The following SCLY variants were observed in gnomAD, a reference collection of about 807,000 sequenced individuals.
The protein encoded by SCLY is putative selenocysteine lyase.
In SCLY, 38 loss-of-function variants were observed where a neutral mutation model predicts 50.1. That is an observed-to-expected ratio of 0.76 (90% CI 0.59 to 0.99). SCLY has a LOEUF of 0.99. SCLY is among the 50% of genes least tolerant of loss of function. SCLY has a pLI of 0.00. For synonymous variants in SCLY, 243 were observed against 249.4 expected (o/e 0.97, Z 0.24); for missense variants, 600 against 620.0 (o/e 0.97, Z 0.34).
At position 238,066,518 on chromosome 2, in the gene SCLY, C is replaced by A. The variant is rs1349256885; in HGVS notation, c.203-1547C>A. Among the ~76,000 whole-genome samples the A allele has an allele frequency of 2.0e-5, 3 of 152,146 alleles. No individual in the cohort carries two copies. The highest frequency in any genetic ancestry group is 7.2e-5 in the African/African-American group (3 of 41,412). The stretch of plus-strand genomic sequence containing the variant: ...TGGGTTTTCGAGGCATTACTTTGTC[C>A]ACTATGTGGAGAATGGACCCTGGTG... On this transcript the variant is annotated intron_variant, in intron 2 of 11. Transcript: ENST00000254663. This position sits in a 1 kb window ranked among gnomAD's most constrained non-coding sequence, Gnocchi z 4.1.
chr2:238,065,776 G>C (rs1277131675), intron 2 of SCLY, among the ~76,000 whole-genome samples: 2 of 151,802 alleles, frequency 1.3e-5, no homozygotes, highest in Non-Finnish European at 2.9e-5. Context: ...CCGGATTCAA[G>C]CGATTCTTCT....
At chr2:238,086,084 C>CG (rs2065294956) in intron 7 of SCLY, among the ~76,000 whole-genome samples, 1 of 152,160 alleles carries the variant, frequency 6.6e-6, no homozygotes, top group Admixed American at 6.5e-5. Flanking sequence ...ACCAGAAAGA[C>CG]CAGAAGAAAG....
Position 238,096,815 on chromosome 2 carries a change from G to T in SCLY, c.1123G>T (p.Ala375Ser), listed in dbSNP as rs767398389. The part of the protein sequence containing the change: ...GPRLQGHVVL[A>S]QCRVLMASVG... ...TGTCTCCGCAGGCCACGTGGTGCTT[G>T]CGCAGTGCCGAGTGCTGATGGCCAG... Residue 375 changes from alanine (A) to serine (S), a missense_variant, in exon 11 of 12, where the codon GCG becomes TCG. Transcript: ENST00000254663. 3 of 1,611,310 alleles carry T rather than the reference G, an allele frequency of 1.9e-6. No homozygotes were observed. In the South Asian group the frequency reaches 3.3e-5, roughly 18 times the overall value.
Position 238,098,261 on chromosome 2 carries a change from G to T in SCLY, c.1244G>T (p.Arg415Leu). The T allele has an allele frequency of 6.2e-7, 1 of 1,608,394 alleles. No individual in the cohort carries two copies. ...VPFDVARNAL[R>L]LSVGRSTTRA... ...TTCGACGTGGCCAGGAACGCGCTCC[G>T]GCTCAGCGTGGGCCGCAGCACCACC... is the stretch of plus-strand genomic sequence containing the variant. Residue 415 changes from arginine to leucine, a missense_variant, in exon 12 of 12, where the codon CGG becomes CTG. Physicochemically the swap from Arg to Leu is moderately radical, Grantham distance 102. Transcript: ENST00000254663.
rs200336071 is a variant in SCLY at position 238,068,111 on chromosome 2, G to A, written c.249G>A (p.Ala83=). 1.8e-5 allele frequency: 29 copies of A among 1,612,276 alleles called. No individual in the cohort carries two copies. In the East Asian group the frequency reaches 2.7e-4, roughly 15 times the overall value. ...TAAATGCAGCTCGGGAAAGCCTCGC[G>A]AAGATGATAGGGGGGAAACCTCAAG... The part of the protein sequence containing the change: ...DIINAARESL[A]KMIGGKPQDI... The change falls in exon 3 of 12, where the codon GCG becomes GCA. Residue 83 remains alanine (A), a synonymous_variant. Coordinates refer to ENST00000254663, the MANE Select transcript of SCLY (RefSeq NM_016510.7).
intron 8 of SCLY, chr2:238,093,568 C>G (rs931575848): frequency 4.6e-6 from 2 of 436,050 alleles, no homozygotes; most frequent in African/African-American, 4.0e-5. Context: ...TTCCCCTCTT[C>G]CCCTGCTTTT....
At chr2:238,068,473 C>G (rs2065097088) in intron 3 of SCLY, among the ~76,000 whole-genome samples, 1 of 152,100 alleles carries the variant, frequency 6.6e-6, no homozygotes, top group African/African-American at 2.4e-5. Context: ...CATTTGAACC[C>G]AGGAATTCAA....
rs1553568630 is a variant in SCLY, at chr2:238,098,626, C to CCCACATGGGAACGCCCACATAGGACCGT, written c.*281_*282insACGCCCACATAGGACCGTCCACATGGGA. The stretch of plus-strand genomic sequence containing the variant: ...ACATAGGACCGCCCACATGGGACCG[C>CCCACATGGGAACGCCCACATAGGACCGT]CCACATGGGACCGCCCACATGGGAC... On this transcript the variant is annotated 3_prime_UTR_variant, in exon 12 of 12. Coordinates refer to ENST00000254663, the MANE Select transcript of SCLY (RefSeq NM_016510.7). 1 of 323,638 alleles carries CCCACATGGGAACGCCCACATAGGACCGT rather than the reference C, an allele frequency of 3.1e-6. No individual in the cohort carries two copies. Among genetic ancestry groups the CCCACATGGGAACGCCCACATAGGACCGT allele is most frequent in the African/African-American group, 2.9e-5 (1 of 34,314 alleles). 20.0% of individuals were successfully genotyped at this position (323,638 alleles called of 1,614,324 possible).
rs80109856 is a variant in SCLY at position 238,074,514 on chromosome 2, G to A, written c.484+5037G>A. ...AGTTTTGTTTTTTTGAGGCACTTTC[G>A]CTCTTGTTGTCCAGGCTGGAGTGCA... On this transcript the variant is annotated intron_variant, in intron 4 of 11. Transcript: ENST00000254663. Among the ~76,000 whole-genome samples, 14 of 152,126 alleles carry A rather than the reference G, an allele frequency of 9.2e-5. No individual in the cohort carries two copies. The East Asian group carries it at 2.1e-3, about 23-fold the overall frequency.
chr2:238,085,853 AAT>A (rs1176179167), intron 7 of SCLY, among the ~76,000 whole-genome samples: 1 of 152,258 alleles, frequency 6.6e-6, no homozygotes, highest in Non-Finnish European at 1.5e-5. Context: ...TGCTTGAAGA[AAT>A]AATGGCTAAA....
At chr2:238,070,184 C>T (rs1335481245) in intron 4 of SCLY, among the ~76,000 whole-genome samples, 1 of 152,206 alleles carries the variant, frequency 6.6e-6, no homozygotes, top group Admixed American at 6.5e-5. Context: ...ACATGTTCAC[C>T]AGGTGTAGAT....
At chr2:238,073,319 T>C (rs1291263963) in intron 4 of SCLY, among the ~76,000 whole-genome samples, 2 of 152,226 alleles carry the variant, frequency 1.3e-5, no homozygotes, top group African/African-American at 4.8e-5. Context: ...TATTTTTTAA[T>C]ATTGTTTTGG....
chr2:238,095,283 G>C (rs1481258202), intron 10 of SCLY, among the ~76,000 whole-genome samples: 21 of 152,164 alleles, frequency 1.4e-4, no homozygotes, highest in Admixed American at 1.4e-3. Context: ...GCCTCGGCTA[G>C]GAGCAGTTAG....
At chr2:238,076,086 T>C (rs2065170698) in intron 4 of SCLY, among the ~76,000 whole-genome samples, 1 of 147,696 alleles carries the variant, frequency 6.8e-6, no homozygotes, top group Admixed American at 6.8e-5. Context: ...GGTGGAAGAT[T>C]AGTTATGATT....
At chr2:238,072,268 C>T (rs1462770406) in intron 4 of SCLY, among the ~76,000 whole-genome samples, 1 of 152,172 alleles carries the variant, frequency 6.6e-6, no homozygotes, top group Non-Finnish European at 1.5e-5. Flanking sequence ...ATCTGTACCA[C>T]ATTTGATTTG....
At chr2:238,093,250 T>C (rs2065387296) in intron 8 of SCLY, 1 of 154,324 alleles carries the variant, frequency 6.5e-6, no homozygotes, top group African/African-American at 2.4e-5. Flanking sequence ...GCTGCTGCCA[T>C]TTTCCACACG....
chr2:238,098,670 C>CACATGGGAACGCCCACA lies in SCLY; in HGVS notation c.*315_*316insACATGGGAACGCCCACA, dbSNP rs1348949662. The CACATGGGAACGCCCACA allele has an allele frequency of 1.7e-5, 7 of 422,318 alleles. No homozygotes were observed. Among genetic ancestry groups the CACATGGGAACGCCCACA allele is most frequent in the East Asian group, 3.5e-5 (1 of 28,728 alleles). 26.2% of individuals were successfully genotyped at this position (422,318 alleles called of 1,614,324 possible). ...ATGGGACCGCCCACATAGAACCGTCCTCCAGTGGTGAAGCGGAAACACTTA... is the reference window on the plus strand; with the variant it reads ...ATGGGACCGCCCACATAGAACCGTCCACATGGGAACGCCCACATCCAGTGGTGAAGCGGAAACACTTA... On this transcript the variant is annotated 3_prime_UTR_variant, in exon 12 of 12. Coordinates refer to ENST00000254663, the MANE Select transcript of SCLY (RefSeq NM_016510.7).
intron 8 of SCLY, 143 bp downstream of exon 8, chr2:238,091,397 T>A: frequency 1.3e-6 from 1 of 770,242 alleles, no homozygotes; most frequent in South Asian, 1.4e-5. Context: ...GGAATCTGAT[T>A]TATCAACCTG....
chr2:238,091,551 A>ATCACT, intron 8 of SCLY: 12 of 404,454 alleles, frequency 3.0e-5, no homozygotes, highest in South Asian at 1.3e-4. Context: ...CAGGTTCACC[A>ATCACT]TTCCCAAAGG....
Sources: allele counts gnomAD v4.1 joint callset (sites outside exome capture counted in the v4.1 genomes callset), GRCh38; gene constraint gnomAD v4.1.1; non-coding constraint Gnocchi (gnomAD v3.1); transcripts MANE v1.5; gene names NCBI Gene and HGNC (gene_info 2026-07-23, HGNC 2026-07-21).